The following GALNT18 variants were observed in gnomAD, a reference collection of about 807,000 sequenced individuals.
GALNT18 encodes the protein polypeptide N-acetylgalactosaminyltransferase 18.
GALNT18 carries 44 observed loss-of-function variants against 69.5 expected under a neutral mutation model. The observed-to-expected ratio is 0.63, with a 90% CI of 0.50 to 0.81. GALNT18 has a LOEUF of 0.81. Among genes scored for constraint, GALNT18 ranks in the 40% least tolerant of loss-of-function variants. GALNT18 has a pLI of 0.00. For synonymous variants in GALNT18, 364 were observed against 318.2 expected, an observed-to-expected ratio of 1.14 and a Z score of -1.53; for missense variants, 715 against 810.0, an observed-to-expected ratio of 0.88 and a Z score of 1.42.
At chr11:11,440,098 A>T (rs765210935) in intron 2 of GALNT18, among the ~76,000 whole-genome samples, 1 of 152,232 alleles carries the variant, frequency 6.6e-6, no homozygotes, top group Non-Finnish European at 1.5e-5. Context: ...TCATCAAAAC[A>T]TCCAACTTTC....
At position 11,419,247 on chromosome 11, in the gene GALNT18, C is replaced by A. The variant is rs1173376184; in HGVS notation, c.595+13374G>T. ...TGCTGGTAAAAACCCTTCCTGCTCA[C>A]TAGTCAGACATTTCTTTGTTTTGTG... On this transcript the variant is annotated intron_variant, in intron 3 of 10. Transcript: ENST00000227756. Among the ~76,000 whole-genome samples the A allele has an allele frequency of 2.6e-5, 4 of 152,314 alleles. No individual in the cohort carries two copies. In the East Asian group the frequency reaches 7.7e-4, roughly 29 times the overall value.
chr11:11,504,414 A>T (rs932236339), intron 1 of GALNT18, among the ~76,000 whole-genome samples: 1 of 148,618 alleles, frequency 6.7e-6, no homozygotes, highest in African/African-American at 2.5e-5. Context: ...GCCCTCAAAC[A>T]TATTCATATT....
At chr11:11,311,709 G>A (rs1445924168) in intron 9 of GALNT18, among the ~76,000 whole-genome samples, 1 of 152,096 alleles carries the variant, frequency 6.6e-6, no homozygotes, top group African/African-American at 2.4e-5. Flanking sequence ...AGTAGGGGAG[G>A]GCACATCTCT....
At chr11:11,548,508 G>T (rs1359281208) in intron 1 of GALNT18, among the ~76,000 whole-genome samples, 1 of 152,174 alleles carries the variant, frequency 6.6e-6, no homozygotes, top group Non-Finnish European at 1.5e-5. Context: ...ACCTCTGCAT[G>T]GCCTCCATGT....
chr11:11,301,742 C>A (rs1005802399), intron 9 of GALNT18, among the ~76,000 whole-genome samples: 1 of 152,220 alleles, frequency 6.6e-6, no homozygotes, highest in Non-Finnish European at 1.5e-5. Context: ...TTCAATTCAA[C>A]AAACACCCTC....
At position 11,340,154 on chromosome 11, in the gene GALNT18, T is replaced by A. The variant is rs1292810060; in HGVS notation, c.1278+665A>T. 1.3e-5 allele frequency among the ~76,000 whole-genome samples: 2 copies of A among 152,170 alleles called. No homozygotes were observed. Among genetic ancestry groups the A allele is most frequent in the African/African-American group, 4.8e-5 (2 of 41,462 alleles). ...TCAGTAGTCCAAGGTCATTTCCACA[T>A]GTTTCACCTTGACACATGGCAGGGC... On this transcript the variant is annotated intron_variant, in intron 7 of 10. Transcript: ENST00000227756. The surrounding 1 kb of genome is among the most constrained non-coding windows in gnomAD (Gnocchi z 4.2).
chr11:11,293,501 AATTT>A (rs1055939769), intron 9 of GALNT18, among the ~76,000 whole-genome samples: 4 of 148,016 alleles, frequency 2.7e-5, no homozygotes, highest in South Asian at 4.3e-4. Context: ...TAACCTTTTA[AATTT>A]ATTTCTTCAC....
intron 1 of GALNT18, among the ~76,000 whole-genome samples, chr11:11,507,682 G>A (rs1185022148): frequency 6.6e-6 from 1 of 152,124 alleles, no homozygotes; most frequent in African/African-American, 2.4e-5. Flanking sequence ...AATATTTCAT[G>A]TCAACTTGAT....
chr11:11,303,920 C>T (rs1849536984), intron 9 of GALNT18, among the ~76,000 whole-genome samples: 1 of 152,234 alleles, frequency 6.6e-6, no homozygotes, highest in African/African-American at 2.4e-5. Context: ...TAATCTAGCA[C>T]ACACCCCTTG....
rs113288580 is a variant in GALNT18 at position 11,586,954 on chromosome 11, C to T, written c.235+34405G>A. On this transcript the variant is annotated intron_variant, in intron 1 of 10. Coordinates refer to ENST00000227756, the MANE Select transcript of GALNT18 (RefSeq NM_198516.3). This position sits in a 1 kb window ranked among gnomAD's most constrained non-coding sequence, Gnocchi z 4.1. ...AGTGAGCCGAGATCGTGTCAAAGCA[C>T]TCCAGCCTGGGGAACAAGAGTGAAA... Among the ~76,000 whole-genome samples the T allele has an allele frequency of 0.03, 4,549 of 152,182 alleles. 216 individuals are homozygous for T. The highest frequency in any genetic ancestry group is 0.1 in the African/African-American group (4,297 of 41,460).
intron 1 of GALNT18, among the ~76,000 whole-genome samples, chr11:11,520,619 G>A (rs1179188598): frequency 1.3e-5 from 2 of 152,204 alleles, no homozygotes; most frequent in Non-Finnish European, 1.5e-5. Flanking sequence ...GCAGGACGCT[G>A]AGTAGGGAGA....
chr11:11,581,337 G>A (rs2133908826), intron 1 of GALNT18, among the ~76,000 whole-genome samples: 1 of 152,278 alleles, frequency 6.6e-6, no homozygotes, highest in Admixed American at 6.5e-5. Flanking sequence ...TTTTCATCCG[G>A]GTACACAAAG....
At chr11:11,566,466 G>A (rs1204424667) in intron 1 of GALNT18, among the ~76,000 whole-genome samples, 1 of 152,220 alleles carries the variant, frequency 6.6e-6, no homozygotes, top group African/African-American at 2.4e-5. Context: ...TAATTCCCCT[G>A]AGTGTGATAA....
At position 11,564,253 on chromosome 11, in the gene GALNT18, C is replaced by T. The variant is rs541084414; in HGVS notation, c.235+57106G>A. Among the ~76,000 whole-genome samples the T allele has an allele frequency of 6.6e-6, 1 of 152,322 alleles. No individual in the cohort carries two copies. The highest frequency in any genetic ancestry group is 1.9e-4 in the East Asian group (1 of 5,184). ...GTGCTATACTGCCTTCACCTGAAGG[C>T]TCATCTTAAGAGATATGCACCTGAC... On this transcript the variant is annotated intron_variant, in intron 1 of 10. Coordinates refer to ENST00000227756, the MANE Select transcript of GALNT18 (RefSeq NM_198516.3). The surrounding 1 kb of genome is among the most constrained non-coding windows in gnomAD (Gnocchi z 4.3).
At chr11:11,326,676 A>G (rs761956485) in intron 9 of GALNT18, among the ~76,000 whole-genome samples, 12 of 152,206 alleles carry the variant, frequency 7.9e-5, no homozygotes, top group Non-Finnish European at 1.6e-4. Flanking sequence ...GCTGAAGACC[A>G]TGCCATGGTA....
intron 1 of GALNT18, among the ~76,000 whole-genome samples, chr11:11,579,256 C>A (rs533815543): frequency 6.6e-6 from 1 of 152,290 alleles, no homozygotes; most frequent in Non-Finnish European, 1.5e-5. Context: ...CTGAGCCACC[C>A]TGGTCTGCTG....
chr11:11,451,725 T>A (rs1855804509), intron 1 of GALNT18, among the ~76,000 whole-genome samples: 1 of 152,216 alleles, frequency 6.6e-6, no homozygotes, highest in African/African-American at 2.4e-5. Flanking sequence ...AACTGCTTCT[T>A]ACAAGGGACT....
intron 1 of GALNT18, among the ~76,000 whole-genome samples, chr11:11,558,458 G>A: frequency 6.6e-6 from 1 of 152,276 alleles, no homozygotes. Context: ...CAGGCAGGGT[G>A]AGGCTGGGCT....
chr11:11,332,812 C>A lies in GALNT18; in HGVS notation c.1298G>T (p.Gly433Val). ...GAGAGCCTTCCTTGCAGTGATGTCC[C>A]CAATGTCAATTCCTGAGTCCTGCAC... ...IPQEDSGIDI[G>V]DITARKALRK... Residue 433 changes from glycine (G) to valine (V), a missense_variant, in exon 8 of 11, where the codon GGG (glycine) becomes GTG (valine). Gly to Val is a moderately radical substitution (Grantham distance 109). Transcript: ENST00000227756. The surrounding 1 kb of genome is among the most constrained non-coding windows in gnomAD (Gnocchi z 4.3). The A allele has an allele frequency of 6.2e-7, 1 of 1,613,592 alleles. No homozygotes were observed. The highest frequency in any genetic ancestry group is 2.2e-5 in the East Asian group (1 of 44,886).
Sources: gnomAD v4.1 joint callset for allele counts (sites outside exome capture counted in the v4.1 genomes callset) on GRCh38, gnomAD v4.1.1 for gene constraint, Gnocchi (gnomAD v3.1) non-coding constraint, MANE v1.5 for transcripts, NCBI Gene and HGNC (gene_info 2026-07-23, HGNC 2026-07-21) for gene names.